SDCCAG8: variants seen among roughly 807,000 people sequenced by gnomAD.
The protein encoded by SDCCAG8 is serologically defined colon cancer antigen 8.
A neutral mutation model predicts 101.8 loss-of-function variants in SDCCAG8; 74 were observed. That is an observed-to-expected ratio of 0.73 (90% CI 0.60 to 0.88). The LOEUF (loss-of-function observed/expected upper bound fraction) is 0.88. SDCCAG8 is among the 40% of genes least tolerant of loss of function. The pLI, the probability that SDCCAG8 is intolerant of heterozygous loss-of-function variation, is 0.00. For missense variants in SDCCAG8, 787 were observed against 822.6 expected (o/e 0.96, Z 0.53); for synonymous variants, 281 against 292.9 (o/e 0.96, Z 0.41).
At chr1:243,478,390 T>A (rs922229313) in intron 16 of SDCCAG8, among the ~76,000 whole-genome samples, 2 of 152,162 alleles carry the variant, frequency 1.3e-5, no homozygotes, top group African/African-American at 4.8e-5. Flanking sequence ...AAGGTGCCTC[T>A]CAGCCCTAAC....
chr1:243,361,337 AC>A (rs1174949894), intron 12 of SDCCAG8, among the ~76,000 whole-genome samples: 1 of 151,790 alleles, frequency 6.6e-6, no homozygotes, highest in Admixed American at 6.6e-5. Flanking sequence ...GCTTTATTTT[AC>A]TCCATATCTT....
At chr1:243,404,260 A>C (rs532592744) in intron 13 of SDCCAG8, among the ~76,000 whole-genome samples, 1 of 152,300 alleles carries the variant, frequency 6.6e-6, no homozygotes, top group African/African-American at 2.4e-5. Flanking sequence ...GTTTGAAGAT[A>C]GATTTAGAAG....
At chr1:243,333,993 C>T (rs558907516) in intron 10 of SDCCAG8, among the ~76,000 whole-genome samples, 2 of 152,256 alleles carry the variant, frequency 1.3e-5, no homozygotes, top group East Asian at 3.9e-4. Context: ...ATACTGAGCT[C>T]CCAAACCAGC....
chr1:243,453,648 T>C (rs1017870059), intron 16 of SDCCAG8, among the ~76,000 whole-genome samples: 5 of 152,226 alleles, frequency 3.3e-5, no homozygotes, highest in African/African-American at 9.6e-5. Context: ...AATCGTATTT[T>C]GAAATGTTCG....
At chr1:243,340,338 G>A (rs918895035) in intron 10 of SDCCAG8, among the ~76,000 whole-genome samples, 1 of 152,170 alleles carries the variant, frequency 6.6e-6, no homozygotes, top group African/African-American at 2.4e-5. Flanking sequence ...AGTGGACACA[G>A]GCTACAAACA....
At chr1:243,257,987 G>A (rs73116199) in intron 1 of SDCCAG8, among the ~76,000 whole-genome samples, 12,106 of 152,056 alleles carry the variant, frequency 0.08, 1,594 homozygotes, top group African/African-American at 0.27. Context: ...GCAGTAAAGG[G>A]GTTCATTTTA....
At chr1:243,301,069 T>G (rs2071452529) in intron 6 of SDCCAG8, among the ~76,000 whole-genome samples, 1 of 152,180 alleles carries the variant, frequency 6.6e-6, no homozygotes, top group Non-Finnish European at 1.5e-5. Context: ...TATAAAAAGT[T>G]AAAATTTTTC....
At chr1:243,329,072 A>G (rs1005382407) in intron 9 of SDCCAG8, among the ~76,000 whole-genome samples, 1 of 151,962 alleles carries the variant, frequency 6.6e-6, no homozygotes, top group Non-Finnish European at 1.5e-5. Context: ...GAGCAATTAC[A>G]TTTTGAATCA....
intron 11 of SDCCAG8, among the ~76,000 whole-genome samples, chr1:243,342,475 T>G (rs2075434661): frequency 6.6e-6 from 1 of 152,242 alleles, no homozygotes; most frequent in Non-Finnish European, 1.5e-5. Context: ...AGCAGGGAAC[T>G]GTAGGAGTGA....
intron 16 of SDCCAG8, among the ~76,000 whole-genome samples, chr1:243,480,696 GTGGGATGGA>G (rs1663479485): frequency 1.2e-5 from 1 of 85,202 alleles, no homozygotes; most frequent in African/African-American, 4.6e-5. Context: ...GGATGGATGG[GTGGGATGGA>G]TGGATGGATG....
chr1:243,414,649 G>A (rs1418285960), intron 13 of SDCCAG8, among the ~76,000 whole-genome samples: 1 of 152,150 alleles, frequency 6.6e-6, no homozygotes, highest in African/African-American at 2.4e-5. Flanking sequence ...ACATAGACTA[G>A]TAGTGATAGC....
rs137897400 is a variant in SDCCAG8 at position 243,489,629 on chromosome 1, T to C, written c.2112+489T>C. Among the ~76,000 whole-genome samples, 624 of 152,246 alleles carry C rather than the reference T, an allele frequency of 4.1e-3. 4 individuals carry two copies. The highest frequency in any genetic ancestry group is 0.015 in the African/African-American group (604 of 41,530). On this transcript the variant is annotated intron_variant, in intron 17 of 17. Coordinates refer to ENST00000366541, the MANE Select transcript of SDCCAG8 (RefSeq NM_006642.5). ...CTGATTACTGGGCTAATATCTGGAG[T>C]GCTTGCAGAGCACCCGGCAGTGTTA...
intron 16 of SDCCAG8, among the ~76,000 whole-genome samples, chr1:243,436,777 A>G (rs2148074929): frequency 6.6e-6 from 1 of 152,306 alleles, no homozygotes; most frequent in South Asian, 2.1e-4. Flanking sequence ...CTTTTTCTAC[A>G]ATTAACTGTG....
intron 16 of SDCCAG8, among the ~76,000 whole-genome samples, chr1:243,455,819 C>T (rs1344947098): frequency 1.3e-5 from 2 of 152,182 alleles, no homozygotes; most frequent in Non-Finnish European, 2.9e-5. Context: ...TGCATATAAA[C>T]GTGATTTACT....
At chr1:243,464,555 T>C (rs1268915706) in intron 16 of SDCCAG8, among the ~76,000 whole-genome samples, 2 of 152,224 alleles carry the variant, frequency 1.3e-5, no homozygotes, top group Non-Finnish European at 2.9e-5. Context: ...ATTACACATA[T>C]TTACACACAT....
chr1:243,465,045 C>T (rs1659861888), intron 16 of SDCCAG8, among the ~76,000 whole-genome samples: 1 of 152,192 alleles, frequency 6.6e-6, no homozygotes, highest in Non-Finnish European at 1.5e-5. Context: ...TTCCCTAGGG[C>T]CAACTAAATA....
intron 1 of SDCCAG8, among the ~76,000 whole-genome samples, chr1:243,257,484 AT>A (rs890810230): frequency 8.6e-5 from 13 of 151,958 alleles, no homozygotes; most frequent in Middle Eastern, 3.4e-3. Flanking sequence ...AAAAAAAAAA[AT>A]AATTATAGAT....
intron 5 of SDCCAG8, among the ~76,000 whole-genome samples, chr1:243,286,610 C>G (rs192491820): frequency 6.6e-6 from 1 of 152,204 alleles, no homozygotes; most frequent in African/African-American, 2.4e-5. Flanking sequence ...AGTTTCCTCT[C>G]TGAGCATACC....
intron 6 of SDCCAG8, 117 bp from the exon 7 acceptor site, chr1:243,304,596 C>T (rs772676386): frequency 9.4e-5 from 61 of 646,750 alleles, no homozygotes; most frequent in Non-Finnish European, 1.5e-4. Context: ...TCTAAGAAGA[C>T]ATGTTTCCCC....
Sources: allele counts gnomAD v4.1 joint callset (sites outside exome capture counted in the v4.1 genomes callset), GRCh38; gene constraint gnomAD v4.1.1; transcripts MANE v1.5; gene names NCBI Gene and HGNC (gene_info 2026-07-23, HGNC 2026-07-21).